ACOT7: variants seen among roughly 807,000 people sequenced by gnomAD.
The protein encoded by ACOT7 is cytosolic acyl coenzyme A thioester hydrolase.
ACOT7 carries 12 observed loss-of-function variants against 40.2 expected under a neutral mutation model. That is an observed-to-expected ratio of 0.30 (90% confidence interval 0.19 to 0.48). ACOT7 has a LOEUF of 0.48. Ranked by LOEUF, ACOT7 falls within the 20% of genes least tolerant of loss-of-function variation. The pLI, the probability that ACOT7 is intolerant of heterozygous loss-of-function variation, is 0.99. For synonymous variants in ACOT7, 228 were observed against 219.5 expected, an observed-to-expected ratio of 1.04 and a Z score of -0.34; for missense variants, 395 against 530.8, an observed-to-expected ratio of 0.74 and a Z score of 2.51.
intron 6 of ACOT7, among the ~76,000 whole-genome samples, chr1:6,309,420 C>T (rs1299068670): frequency 6.6e-6 from 1 of 152,136 alleles, no homozygotes; most frequent in African/African-American, 2.4e-5. Context: ...CCTGCTCCTG[C>T]CCTGAGTCTT....
rs1350904345 is a variant in ACOT7, at chr1:6,358,060, G to A, written c.144-8194C>T. Among the ~76,000 whole-genome samples the A allele has an allele frequency of 6.6e-6, 1 of 151,990 alleles. No individual in the cohort carries two copies. Among genetic ancestry groups the A allele is most frequent in the Non-Finnish European group, 1.5e-5 (1 of 68,028 alleles). On this transcript the variant is annotated intron_variant, in intron 1 of 8. Transcript: ENST00000361521. This position sits in a 1 kb window ranked among gnomAD's most constrained non-coding sequence, Gnocchi z 4.1. ...TTTTGTATTTTTTAGTAGAGACGGGGGTTTCACCATGTTGGCCAGGCTGGT... is the reference window on the plus strand; with the variant it reads ...TTTTGTATTTTTTAGTAGAGACGGGAGTTTCACCATGTTGGCCAGGCTGGT...
At chr1:6,272,376 A>G (rs946864815) in intron 8 of ACOT7, among the ~76,000 whole-genome samples, 30 of 152,356 alleles carry the variant, frequency 2.0e-4, no homozygotes, top group Admixed American at 5.2e-4. Context: ...TCTGTCCCCA[A>G]TCAATTCCAG....
In ACOT7 at chr1:6,288,815, C is replaced by T. The variant is rs1639584206; in HGVS notation, c.829+6049G>A. On this transcript the variant is annotated intron_variant, in intron 7 of 8. Transcript: ENST00000361521. The surrounding 1 kb of genome is among the most constrained non-coding windows in gnomAD (Gnocchi z 4.3). ...CGTAAGTTCCTCCTAGGCACACACC[C>T]TTCGTGGCTGAAACTCAAAGTTATC... Among the ~76,000 whole-genome samples the T allele has an allele frequency of 6.6e-6, 1 of 152,238 alleles. No individual in the cohort carries two copies. The highest frequency in any genetic ancestry group is 6.5e-5 in the Admixed American group (1 of 15,292).
At chr1:6,347,942 G>A (rs2148453517) in intron 2 of ACOT7, among the ~76,000 whole-genome samples, 1 of 152,192 alleles carries the variant, frequency 6.6e-6, no homozygotes, top group Admixed American at 6.5e-5. Context: ...GGCCTCCCAA[G>A]CCCCTCCTTC....
In ACOT7 at chr1:6,306,185, G is replaced by C. The variant is rs532112574; in HGVS notation, c.713-11205C>G. 7.9e-5 allele frequency: 73 copies of C among 921,746 alleles called. 1 individual carries two copies. The East Asian group carries it at 6.9e-3, about 87-fold the overall frequency. 57.1% of individuals were successfully genotyped at this position (921,746 alleles called of 1,614,324 possible). A position where few individuals can be genotyped will look rare whatever the true frequency, so the allele number is the denominator to read the frequency against. Reference sequence around the variant, plus strand: ...GCATCAGAGGGAGACCGTGGCAAGAGAGGGAGAGGGAGACCGTGGGGAGAG... The same window carrying C: ...GCATCAGAGGGAGACCGTGGCAAGACAGGGAGAGGGAGACCGTGGGGAGAG... On this transcript the variant is annotated intron_variant, in intron 6 of 8. Coordinates refer to ENST00000361521, the MANE Select transcript of ACOT7 (RefSeq NM_007274.4). This position sits in a 1 kb window ranked among gnomAD's most constrained non-coding sequence, Gnocchi z 4.3.
At chr1:6,384,201 C>T (rs1161319079) in intron 1 of ACOT7, among the ~76,000 whole-genome samples, 1 of 151,796 alleles carries the variant, frequency 6.6e-6, no homozygotes, top group Non-Finnish European at 1.5e-5. Flanking sequence ...ACAGGAAAGA[C>T]CTGACTAGAC....
At chr1:6,383,572 C>CT (rs1275988130) in intron 1 of ACOT7, among the ~76,000 whole-genome samples, 2 of 147,102 alleles carry the variant, frequency 1.4e-5, no homozygotes, top group Non-Finnish European at 1.5e-5. Flanking sequence ...GAGTCTTGAT[C>CT]TGTTGTCCAG....
intron 1 of ACOT7, among the ~76,000 whole-genome samples, chr1:6,362,366 G>T (rs998065224): frequency 6.6e-6 from 1 of 151,962 alleles, no homozygotes; most frequent in African/African-American, 2.4e-5. Context: ...AGGAGGCAGA[G>T]GTTGCAGTGG....
intron 3 of ACOT7, among the ~76,000 whole-genome samples, chr1:6,337,287 GCT>G (rs1472428289): frequency 1.3e-5 from 2 of 152,152 alleles, no homozygotes; most frequent in African/African-American, 2.4e-5. Flanking sequence ...GGTGGGGGCT[GCT>G]CTCTCATGCT....
At chr1:6,348,795 C>T (rs1641505779) in intron 2 of ACOT7, among the ~76,000 whole-genome samples, 1 of 152,224 alleles carries the variant, frequency 6.6e-6, no homozygotes, top group African/African-American at 2.4e-5. Flanking sequence ...CAGCCACTTC[C>T]TGCATCTCAA....
intron 7 of ACOT7, among the ~76,000 whole-genome samples, chr1:6,290,128 C>T (rs769327686): frequency 1.3e-5 from 2 of 152,026 alleles, no homozygotes; most frequent in South Asian, 4.1e-4. Flanking sequence ...GGAGGATGGC[C>T]GGGACCATGA....
chr1:6,339,370 G>C, intron 3 of ACOT7, 63 bp downstream of exon 3: 1 of 1,607,218 alleles, frequency 6.2e-7, no homozygotes, highest in East Asian at 2.2e-5. Flanking sequence ...GCCCTCAGGA[G>C]GGAAGCAGCT....
chr1:6,356,899 A>G (rs1641759281), intron 1 of ACOT7, among the ~76,000 whole-genome samples: 1 of 148,534 alleles, frequency 6.7e-6, no homozygotes, highest in Admixed American at 6.7e-5. Context: ...AGCCTGGGCC[A>G]CAGGGTGAGA....
At position 6,358,808 on chromosome 1, in the gene ACOT7, G is replaced by A. The variant is rs199794065; in HGVS notation, c.144-8942C>T. ...AGTGGCCCCTGCACGGCCTAGACAT[G>A]CCCATGACTGGCAGTACCTGCTCAG... is the stretch of plus-strand genomic sequence containing the variant. On this transcript the variant is annotated intron_variant, in intron 1 of 8. Coordinates refer to ENST00000361521, the MANE Select transcript of ACOT7 (RefSeq NM_007274.4). The surrounding 1 kb of genome is among the most constrained non-coding windows in gnomAD (Gnocchi z 4.1). 1.3e-3 allele frequency: 2,031 copies of A among 1,612,064 alleles called. 1 individual carries two copies. Among genetic ancestry groups the A allele is most frequent in the Non-Finnish European group, 1.5e-3 (1,805 of 1,178,128 alleles).
intron 1 of ACOT7, among the ~76,000 whole-genome samples, chr1:6,388,325 G>A (rs111366867): frequency 0.13 from 19,871 of 151,540 alleles, 1,583 homozygotes; most frequent in African/African-American, 0.22. Context: ...TAGCCAGAAT[G>A]GTCTCCATCT....
At chr1:6,277,098 T>A (rs966045816) in intron 8 of ACOT7, among the ~76,000 whole-genome samples, 1 of 152,174 alleles carries the variant, frequency 6.6e-6, no homozygotes, top group Non-Finnish European at 1.5e-5. Flanking sequence ...GACCGCAGGC[T>A]GCTATCCACA....
chr1:6,385,966 G>C, intron 1 of ACOT7: 1 of 314,184 alleles, frequency 3.2e-6, no homozygotes, highest in Non-Finnish European at 4.6e-6. Context: ...CCCCTCTGCG[G>C]GAGAGGATGA....
chr1:6,309,171 A>C (rs1640262131), intron 6 of ACOT7, among the ~76,000 whole-genome samples: 2 of 152,254 alleles, frequency 1.3e-5, no homozygotes, highest in South Asian at 4.1e-4. Flanking sequence ...TAAGGGGCTC[A>C]GTCATGACCT....
chr1:6,378,647 C>T (rs998197887), intron 1 of ACOT7, among the ~76,000 whole-genome samples: 12 of 151,884 alleles, frequency 7.9e-5, no homozygotes, highest in African/African-American at 2.7e-4. Flanking sequence ...CTGGCATGGC[C>T]CTGGTAAGGT....
Sources: allele counts gnomAD v4.1 joint callset (sites outside exome capture counted in the v4.1 genomes callset), GRCh38; gene constraint gnomAD v4.1.1; non-coding constraint Gnocchi (gnomAD v3.1); transcripts MANE v1.5; gene names NCBI Gene and HGNC (gene_info 2026-07-23, HGNC 2026-07-21).